Variants in DOK6 observed in about 807,000 individuals in gnomAD.
DOK6 encodes downstream of tyrosine kinase 6.
Under a neutral mutation model 44.0 loss-of-function variants are expected in DOK6, and 22 were observed. The ratio of observed to expected loss-of-function variants is 0.50; its 90% CI spans 0.36 to 0.71. The LOEUF (loss-of-function observed/expected upper bound fraction) is 0.71. Ranked by LOEUF, DOK6 falls within the 30% of genes least tolerant of loss-of-function variation. The pLI is 0.00. For missense variants in DOK6, 340 were observed against 416.4 expected, an observed-to-expected ratio of 0.82 and a Z score of 1.60; for synonymous variants, 166 against 145.5, an observed-to-expected ratio of 1.14 and a Z score of -1.01.
chr18:69,678,108 G>A (rs1324048964), intron 4 of DOK6, among the ~76,000 whole-genome samples: 1 of 152,114 alleles, frequency 6.6e-6, no homozygotes, highest in Admixed American at 6.5e-5. Context: ...AATTAGCTGG[G>A]TGTGGTGGCC....
chr18:69,602,907 A>C (rs1983906231), intron 3 of DOK6, among the ~76,000 whole-genome samples: 1 of 152,368 alleles, frequency 6.6e-6, no homozygotes, highest in African/African-American at 2.4e-5. Context: ...CCTATTATAG[A>C]ATGCTTTCAG....
chr18:69,484,594 G>A (rs542893121), intron 1 of DOK6, among the ~76,000 whole-genome samples: 81 of 152,250 alleles, frequency 5.3e-4, no homozygotes, highest in African/African-American at 1.9e-3. Context: ...AGAGCCTCAG[G>A]TCACAACATT....
At chr18:69,489,423 T>A (rs1980674353) in intron 1 of DOK6, among the ~76,000 whole-genome samples, 1 of 152,186 alleles carries the variant, frequency 6.6e-6, no homozygotes, top group African/African-American at 2.4e-5. Context: ...TCCATAGTGC[T>A]GTGTACTTGC....
At chr18:69,606,337 G>A (rs1983996027) in intron 3 of DOK6, among the ~76,000 whole-genome samples, 1 of 150,286 alleles carries the variant, frequency 6.7e-6, no homozygotes, top group Non-Finnish European at 1.5e-5. Flanking sequence ...AAATTCCCAA[G>A]GAATTCTAAA....
intron 6 of DOK6, among the ~76,000 whole-genome samples, chr18:69,755,323 A>T (rs913209206): frequency 1.3e-5 from 2 of 151,992 alleles, no homozygotes; most frequent in African/African-American, 4.8e-5. Context: ...CTCCCAGAAT[A>T]AAAAAAAGAG....
chr18:69,666,189 G>T (rs1410490221), intron 3 of DOK6, among the ~76,000 whole-genome samples: 1 of 152,076 alleles, frequency 6.6e-6, no homozygotes, highest in African/African-American at 2.4e-5. Flanking sequence ...ACAGCCTATG[G>T]CAACTAACAT....
At chr18:69,511,333 T>C (rs1167864896) in intron 1 of DOK6, among the ~76,000 whole-genome samples, 1 of 152,204 alleles carries the variant, frequency 6.6e-6, no homozygotes, top group Non-Finnish European at 1.5e-5. Flanking sequence ...ATTGTTATTA[T>C]TTTAGAGAGA....
At chr18:69,444,644 CTT>C (rs200365790) in intron 1 of DOK6, among the ~76,000 whole-genome samples, 26,313 of 132,630 alleles carry the variant, frequency 0.2, 2,255 homozygotes, top group South Asian at 0.31. Flanking sequence ...TAAAATCAAC[CTT>C]TTTTTTTTTT....
chr18:69,427,186 C>T (rs913506425), intron 1 of DOK6, among the ~76,000 whole-genome samples: 5 of 152,106 alleles, frequency 3.3e-5, no homozygotes, highest in Non-Finnish European at 4.4e-5. Context: ...GTCTCTCTCT[C>T]CCTCTCCCTC....
At chr18:69,514,277 A>G (rs892842567) in intron 1 of DOK6, among the ~76,000 whole-genome samples, 1 of 152,138 alleles carries the variant, frequency 6.6e-6, no homozygotes, top group African/African-American at 2.4e-5. Flanking sequence ...GAAACAAGAA[A>G]AAAGGAGGGA....
chr18:69,609,408 T>A (rs553305968), intron 3 of DOK6, among the ~76,000 whole-genome samples: 5 of 151,898 alleles, frequency 3.3e-5, no homozygotes, highest in African/African-American at 1.2e-4. Context: ...ACATAACAAA[T>A]CATTATAAAA....
chr18:69,802,224 A>G (rs1175135235), intron 7 of DOK6, among the ~76,000 whole-genome samples: 1 of 152,168 alleles, frequency 6.6e-6, no homozygotes, highest in South Asian at 2.1e-4. Flanking sequence ...CTCCTGGTAA[A>G]GAGTGCCCAC....
intron 3 of DOK6, among the ~76,000 whole-genome samples, chr18:69,609,531 C>T (rs1240125655): frequency 1.0e-4 from 12 of 120,284 alleles, no homozygotes; most frequent in Middle Eastern, 4.8e-3. Flanking sequence ...CAACAAGTGT[C>T]GGCAAAGATG....
intron 3 of DOK6, among the ~76,000 whole-genome samples, chr18:69,630,203 T>G (rs1470753280): frequency 6.6e-6 from 1 of 152,182 alleles, no homozygotes; most frequent in East Asian, 1.9e-4. Flanking sequence ...GGCATGTGTC[T>G]CTACATGCCA....
chr18:69,537,403 A>G (rs761636648), intron 1 of DOK6, among the ~76,000 whole-genome samples: 1 of 151,952 alleles, frequency 6.6e-6, no homozygotes, highest in Non-Finnish European at 1.5e-5. Context: ...TTCTTCAGTG[A>G]GTTGGATTTA....
At chr18:69,782,396 A>G (rs1174773572) in intron 7 of DOK6, among the ~76,000 whole-genome samples, 1 of 151,782 alleles carries the variant, frequency 6.6e-6, no homozygotes, top group Non-Finnish European at 1.5e-5. Flanking sequence ...TATTTTTAGT[A>G]GAGACTGGGT....
chr18:69,592,186 A>C (rs1568305570), intron 2 of DOK6, among the ~76,000 whole-genome samples: 1 of 151,734 alleles, frequency 6.6e-6, no homozygotes. Flanking sequence ...ACATGAATAA[A>C]GTTGGGTAAG....
rs945605369 is a variant in DOK6 at position 69,544,859 on chromosome 18, G to A, written c.67-19628G>A. Among the ~76,000 whole-genome samples the A allele has an allele frequency of 2.1e-4, 32 of 151,478 alleles. 1 individual carries two copies. The highest frequency in any genetic ancestry group is 5.3e-4 in the African/African-American group (22 of 41,358). The stretch of plus-strand genomic sequence containing the variant: ...AAAAAAATTACAACCCGCCAGGTGC[G>A]ATGGCACACGCCTGTAATCCTAGCA... On this transcript the variant is annotated intron_variant, in intron 1 of 7. Coordinates refer to ENST00000382713, the MANE Select transcript of DOK6 (RefSeq NM_152721.6).
At chr18:69,520,963 T>C (rs1320429277) in intron 1 of DOK6, among the ~76,000 whole-genome samples, 1 of 151,882 alleles carries the variant, frequency 6.6e-6, no homozygotes, top group Non-Finnish European at 1.5e-5. Context: ...GAGTAGAATA[T>C]GGAAGCAATT....
Sources: allele counts gnomAD v4.1 joint callset (sites outside exome capture counted in the v4.1 genomes callset), GRCh38; gene constraint gnomAD v4.1.1; transcripts MANE v1.5; gene names NCBI Gene and HGNC (gene_info 2026-07-23, HGNC 2026-07-21).